Variants in CPAMD8 observed in about 807,000 individuals in gnomAD.
CPAMD8 encodes C3 and PZP-like alpha-2-macroglobulin domain-containing protein 8.
CPAMD8 carries 146 observed loss-of-function variants against 224.7 expected under a neutral mutation model. The observed-to-expected ratio is 0.65, with a 90% CI of 0.57 to 0.75. The LOEUF is 0.75. CPAMD8 is among the 30% of genes least tolerant of loss of function. The probability of loss-of-function intolerance (pLI) is 0.00; values close to 1 mark genes in which losing one functional copy is unlikely to be tolerated. For synonymous variants in CPAMD8, 966 were observed against 1,044.6 expected (o/e 0.92, Z 1.45); for missense variants, 2,301 against 2,537.5 (o/e 0.91, Z 2.00).
intron 23 of CPAMD8, among the ~76,000 whole-genome samples, chr19:16,933,404 G>A (rs774911512): frequency 2.0e-5 from 3 of 152,068 alleles, no homozygotes; most frequent in Non-Finnish European, 2.9e-5. Context: ...GGTAAGCCAC[G>A]GTCTGGGAGA....
intron 14 of CPAMD8, 147 bp downstream of exon 14, chr19:16,980,349 TG>T: frequency 1.5e-6 from 1 of 664,822 alleles, no homozygotes; most frequent in Non-Finnish European, 2.5e-6. Flanking sequence ...GGACCCAGTC[TG>T]GTATTGTTAA....
rs541265075 is a variant in CPAMD8 at position 16,898,286 on chromosome 19, A to G, written c.4849-292T>C. ...CAGCCTCCCAAGTAGCTGGGATAAC[A>G]GGCGCCCACCACCGCACCCTGCTAA... On this transcript the variant is annotated intron_variant, in intron 37 of 41. Transcript: ENST00000443236. The surrounding 1 kb of genome is among the most constrained non-coding windows in gnomAD (Gnocchi z 4.2). Among the ~76,000 whole-genome samples the G allele has an allele frequency of 3.3e-3, 498 of 151,204 alleles. 2 individuals are homozygous for G. Among genetic ancestry groups the G allele is most frequent in the African/African-American group, 0.012 (488 of 41,170 alleles).
chr19:16,946,502 T>G (rs1364572517), intron 21 of CPAMD8, among the ~76,000 whole-genome samples: 2 of 121,464 alleles, frequency 1.6e-5, no homozygotes, highest in Admixed American at 1.6e-4. Flanking sequence ...CATGTGGGCA[T>G]GTGTGTGTGG....
At chr19:16,959,675 G>A (rs2054587988) in intron 18 of CPAMD8, among the ~76,000 whole-genome samples, 1 of 151,468 alleles carries the variant, frequency 6.6e-6, no homozygotes, top group Non-Finnish European at 1.5e-5. Context: ...TGAGTAGCTG[G>A]GATTACAGGC....
At chr19:16,991,962 C>T (rs1044589475) in intron 12 of CPAMD8, among the ~76,000 whole-genome samples, 1 of 152,088 alleles carries the variant, frequency 6.6e-6, no homozygotes, top group Non-Finnish European at 1.5e-5. Flanking sequence ...CTGTGAATGT[C>T]AAGTGGCAAG....
intron 19 of CPAMD8, among the ~76,000 whole-genome samples, chr19:16,956,395 C>T (rs575828699): frequency 3.2e-4 from 48 of 152,284 alleles, no homozygotes; most frequent in Non-Finnish European, 6.8e-4. Context: ...CTCTGCCTCC[C>T]AAGCTCCATG....
chr19:16,975,379 A>G, intron 16 of CPAMD8, 121 bp from the exon 17 acceptor site: 2 of 743,372 alleles, frequency 2.7e-6, no homozygotes, highest in South Asian at 3.5e-5. Flanking sequence ...AACCTCCAGG[A>G]GATGGGCACT....
At chr19:17,010,723 A>C (rs6512158) in intron 5 of CPAMD8, among the ~76,000 whole-genome samples, 31,987 of 152,022 alleles carry the variant, frequency 0.21, 4,335 homozygotes, top group African/African-American at 0.39. Flanking sequence ...GAGCGCTAGA[A>C]AGAAAGCACA....
At chr19:16,951,005 C>T (rs546256574) in intron 20 of CPAMD8, among the ~76,000 whole-genome samples, 3 of 152,126 alleles carry the variant, frequency 2.0e-5, no homozygotes, top group East Asian at 3.9e-4. Flanking sequence ...CCTTTCCTGC[C>T]GCCTCCAAGA....
intron 17 of CPAMD8, 38 bp from the exon 18 acceptor site, chr19:16,971,071 G>A (rs1192547008): frequency 1.3e-6 from 2 of 1,553,942 alleles, no homozygotes; most frequent in South Asian, 1.2e-5. Flanking sequence ...TGGTGGGGAA[G>A]TGGATGCTGA....
rs1362712641 is a variant in CPAMD8 at position 16,975,092 on chromosome 19, C to G, written c.2070+5G>C. On this transcript the variant is annotated splice_donor_5th_base_variant and intron_variant, in intron 17 of 41. Transcript: ENST00000443236. ...GCAGAGGGATCTGAGACCACCTCTC[C>G]TTACGGTGAAGGCAAACCCAGAGTC... 1 of 1,611,192 alleles carries G rather than the reference C, an allele frequency of 6.2e-7. No homozygotes were observed. Among genetic ancestry groups the G allele is most frequent in the Non-Finnish European group, 8.5e-7 (1 of 1,179,518 alleles).
In CPAMD8 at chr19:16,976,157, C is replaced by A. The variant is rs749671741; in HGVS notation, c.1759-6G>T. ...GCTGAATACGTCACTGAAACCTTGG[C>A]GCAAATGCAGCAAGGGATAAGAAAC... On this transcript the variant is annotated splice_region_variant and splice_polypyrimidine_tract_variant and intron_variant, in intron 15 of 41. Coordinates refer to ENST00000443236, the MANE Select transcript of CPAMD8 (RefSeq NM_015692.5). The A allele has an allele frequency of 1.7e-5, 28 of 1,607,946 alleles. No individual in the cohort carries two copies. Among genetic ancestry groups the A allele is most frequent in the Non-Finnish European group, 2.1e-5 (25 of 1,176,794 alleles).
rs773609711 is a variant in CPAMD8 at position 16,980,592 on chromosome 19, G to A, written c.1490C>T (p.Ser497Leu). The change falls in exon 14 of 42, where the codon TCG (serine) becomes TTG (leucine). Residue 497 changes from serine (S) to leucine (L), a missense_variant. Coordinates refer to ENST00000443236, the MANE Select transcript of CPAMD8 (RefSeq NM_015692.5). ...EVAARGNIVL[S>L]GQQPAHTTQQ... ...GGTGGTGTGGGCAGGCTGCTGGCCCGATAGCACAATATTGCCCCGTGCAGC... is the reference window on the plus strand; with the variant it reads ...GGTGGTGTGGGCAGGCTGCTGGCCCAATAGCACAATATTGCCCCGTGCAGC... The A allele has an allele frequency of 1.4e-5, 22 of 1,613,382 alleles. No individual in the cohort carries two copies. Among genetic ancestry groups the A allele is most frequent in the Non-Finnish European group, 1.4e-5 (17 of 1,179,676 alleles).
intron 41 of CPAMD8, 39 bp downstream of exon 41, chr19:16,896,137 G>T (rs1157674865): frequency 6.2e-7 from 1 of 1,609,478 alleles, no homozygotes; most frequent in East Asian, 2.2e-5. Flanking sequence ...GAGATATTGA[G>T]CCTATGTCTC....
chr19:17,020,233 C>T, intron 3 of CPAMD8, 98 bp downstream of exon 3: 1 of 942,058 alleles, frequency 1.1e-6, no homozygotes, highest in Non-Finnish European at 1.7e-6. Context: ...CTCGGCCTTC[C>T]AAAGTGCTGG....
intron 18 of CPAMD8, among the ~76,000 whole-genome samples, chr19:16,962,435 G>T (rs529479093): frequency 6.6e-6 from 1 of 152,000 alleles, no homozygotes; most frequent in Non-Finnish European, 1.5e-5. Context: ...TGGAAGAAAG[G>T]GTATCAGTGA....
Position 16,977,453 on chromosome 19 carries a change from C to A in CPAMD8, c.1673G>T (p.Arg558Leu), listed in dbSNP as rs1035994038. 6.2e-7 allele frequency: 1 copy of A among 1,610,684 alleles called. No homozygotes were observed. The highest frequency in any genetic ancestry group is 1.7e-5 in the Admixed American group (1 of 59,864). ...CTCCCTGACGTAGAAGACCAGCAGGCGACCAAGGGGGACCATGCTGGGGGT... is the reference window on the plus strand; with the variant it reads ...CTCCCTGACGTAGAAGACCAGCAGGAGACCAAGGGGGACCATGCTGGGGGT... ...AVTPSMVPLG[R>L]LLVFYVRENG... is the part of the protein sequence containing the mutation. Residue 558 changes from arginine (R) to leucine (L), a missense_variant, in exon 15 of 42, where the codon CGC becomes CTC. Arg to Leu is a moderately radical substitution (Grantham distance 102). Coordinates refer to ENST00000443236, the MANE Select transcript of CPAMD8 (RefSeq NM_015692.5).
intron 22 of CPAMD8, among the ~76,000 whole-genome samples, chr19:16,942,083 T>C (rs529182364): frequency 6.6e-6 from 1 of 152,258 alleles, no homozygotes; most frequent in South Asian, 2.1e-4. Context: ...CCTGCCATGA[T>C]TGTAAGTTTC....
chr19:16,989,579 A>C, intron 13 of CPAMD8, 64 bp downstream of exon 13: 1 of 1,569,604 alleles, frequency 6.4e-7, no homozygotes, highest in South Asian at 1.1e-5. Context: ...GAGCCACAGC[A>C]CCTGGCTCAT....
Sources: allele counts gnomAD v4.1 joint callset (sites outside exome capture counted in the v4.1 genomes callset), GRCh38; gene constraint gnomAD v4.1.1; non-coding constraint Gnocchi (gnomAD v3.1); transcripts MANE v1.5; gene names NCBI Gene and HGNC (gene_info 2026-07-23, HGNC 2026-07-21).